TPH2: variants seen among roughly 807,000 people sequenced by gnomAD.
TPH2 encodes the protein tryptophan 5-hydroxylase 2.
In TPH2, 27 loss-of-function variants were observed where a neutral mutation model predicts 59.1. That is an observed-to-expected ratio of 0.46 (90% CI 0.34 to 0.63). The LOEUF is 0.63. Among genes scored for constraint, TPH2 ranks in the 30% least tolerant of loss-of-function variants. TPH2 has a pLI of 0.01. For missense variants in TPH2, 523 were observed against 588.3 expected (o/e 0.89, Z 1.15); for synonymous variants, 220 against 210.5 (o/e 1.05, Z -0.39).
chr12:71,974,475 C>G (rs1296561635), intron 6 of TPH2, among the ~76,000 whole-genome samples: 1 of 152,152 alleles, frequency 6.6e-6, no homozygotes, highest in Non-Finnish European at 1.5e-5. Context: ...CAACCTCTTG[C>G]TTCCATTGTC....
Position 71,969,701 on chromosome 12 carries a change from AT to A in TPH2, c.609-2817del, listed in dbSNP as rs200667109. 8.5e-3 allele frequency among the ~76,000 whole-genome samples: 1,298 copies of A among 152,338 alleles called. 20 individuals are homozygous for A. The highest frequency in any genetic ancestry group is 0.029 in the African/African-American group (1,214 of 41,586). On this transcript the variant is annotated intron_variant, in intron 5 of 10. Transcript: ENST00000333850. ...CCTATAAACCTTATTTTAGTTTGGT[AT>A]GTGAAAAATAAGTTGGGATGTGAAA...
chr12:72,031,305 A>G lies in TPH2; in HGVS notation c.1212A>G (p.Thr404=). ...KACVKAFDPK[T]TCLQECLITT... ...GTGTGAAAGCCTTTGACCCAAAGAC[A>G]ACTTGCTTACAGGAATGCCTTATCA... Residue 404 remains threonine, a synonymous_variant, in exon 10 of 11, where the codon ACA becomes ACG. Coordinates refer to ENST00000333850, the MANE Select transcript of TPH2 (RefSeq NM_173353.4). The G allele has an allele frequency of 6.2e-7, 1 of 1,613,712 alleles. No individual in the cohort carries two copies. The highest frequency in any genetic ancestry group is 2.2e-5 in the East Asian group (1 of 44,876).
intron 4 of TPH2, among the ~76,000 whole-genome samples, chr12:71,947,779 G>A (rs1049874127): frequency 2.6e-5 from 4 of 151,956 alleles, no homozygotes; most frequent in East Asian, 3.9e-4. Flanking sequence ...CGTAATCACC[G>A]CCACACTAAG....
chr12:72,012,300 C>T (rs988327466), intron 8 of TPH2, among the ~76,000 whole-genome samples: 2 of 152,118 alleles, frequency 1.3e-5, no homozygotes, highest in Admixed American at 6.5e-5. Context: ...TGTGTGGATT[C>T]GTATGGGCTA....
intron 7 of TPH2, among the ~76,000 whole-genome samples, chr12:71,988,549 G>C (rs1023989): frequency 6.6e-6 from 1 of 151,980 alleles, no homozygotes; most frequent in East Asian, 1.9e-4. Flanking sequence ...CCAGATCTCG[G>C]GAGAACTCAC....
At chr12:72,023,219 A>G (rs1873471465) in intron 9 of TPH2, among the ~76,000 whole-genome samples, 1 of 152,244 alleles carries the variant, frequency 6.6e-6, no homozygotes, top group Admixed American at 6.5e-5. Context: ...GTGATACACA[A>G]TCTAGAATAG....
At chr12:71,943,669 T>G (rs1176338972) in intron 2 of TPH2, among the ~76,000 whole-genome samples, 1 of 152,224 alleles carries the variant, frequency 6.6e-6, no homozygotes, top group East Asian at 1.9e-4. Flanking sequence ...TTGTTTTCCT[T>G]TTGCCTTCAA....
chr12:72,031,202 T>C, intron 9 of TPH2, 56 bp from the exon 10 acceptor site: 3 of 1,611,058 alleles, frequency 1.9e-6, no homozygotes, highest in South Asian at 2.2e-5. Context: ...TGTGATGTCA[T>C]GGAGCTTCGG....
intron 8 of TPH2, among the ~76,000 whole-genome samples, chr12:72,021,665 C>T (rs535739140): frequency 3.3e-5 from 5 of 152,176 alleles, no homozygotes; most frequent in South Asian, 4.1e-4. Context: ...ATGTATTAAA[C>T]ACATTTTCAA....
intron 9 of TPH2, among the ~76,000 whole-genome samples, chr12:72,027,245 C>T (rs1297122326): frequency 1.3e-5 from 2 of 152,084 alleles, no homozygotes; most frequent in African/African-American, 2.4e-5. Flanking sequence ...GAGCTGGGGC[C>T]GTTTAATTCT....
intron 7 of TPH2, among the ~76,000 whole-genome samples, chr12:71,982,913 C>G (rs1176065079): frequency 1.3e-5 from 2 of 152,210 alleles, no homozygotes; most frequent in Non-Finnish European, 2.9e-5. Context: ...TTTCAACACA[C>G]ATTGGATTTT....
chr12:71,982,327 T>C (rs960354461), intron 7 of TPH2, among the ~76,000 whole-genome samples: 1 of 152,026 alleles, frequency 6.6e-6, no homozygotes, highest in Non-Finnish European at 1.5e-5. Context: ...GAATAGGTAA[T>C]ACATATGCAT....
chr12:71,957,198 A>AGAGT (rs1871532518), intron 5 of TPH2, among the ~76,000 whole-genome samples: 1 of 152,220 alleles, frequency 6.6e-6, no homozygotes, highest in African/African-American at 2.4e-5. Flanking sequence ...TACAGGACTC[A>AGAGT]GAGTGCTGAC....
intron 5 of TPH2, among the ~76,000 whole-genome samples, chr12:71,959,710 CGA>C (rs1871623772): frequency 6.6e-6 from 1 of 151,762 alleles, no homozygotes; most frequent in Non-Finnish European, 1.5e-5. Flanking sequence ...TTTAGATAGG[CGA>C]ATCTTAATTG....
intron 6 of TPH2, among the ~76,000 whole-genome samples, chr12:71,973,178 C>T (rs1025910176): frequency 1.3e-5 from 2 of 152,322 alleles, no homozygotes; most frequent in African/African-American, 4.8e-5. Flanking sequence ...GCAACTCCTT[C>T]TTGAATAGGG....
At chr12:71,942,659 G>A (rs1871104446) in intron 2 of TPH2, among the ~76,000 whole-genome samples, 1 of 152,146 alleles carries the variant, frequency 6.6e-6, no homozygotes, top group Admixed American at 6.5e-5. Flanking sequence ...TTGCTGGGAC[G>A]ACATAATATG....
chr12:71,972,236 C>A (rs1308567931), intron 5 of TPH2, among the ~76,000 whole-genome samples: 1 of 152,198 alleles, frequency 6.6e-6, no homozygotes, highest in Non-Finnish European at 1.5e-5. Flanking sequence ...GTAACTATTA[C>A]TTGTTACTGA....
chr12:72,025,780 T>A (rs1275645324), intron 9 of TPH2, among the ~76,000 whole-genome samples: 1 of 152,180 alleles, frequency 6.6e-6, no homozygotes, highest in Non-Finnish European at 1.5e-5. Flanking sequence ...AAAGAAAAGG[T>A]TGAAAGTAGG....
chr12:71,988,765 G>A (rs535621209), intron 7 of TPH2, among the ~76,000 whole-genome samples: 12 of 152,300 alleles, frequency 7.9e-5, no homozygotes, highest in Admixed American at 7.2e-4. Context: ...CACTCTTTCT[G>A]TGGTCCCTCT....
Sources: gnomAD v4.1 joint callset for allele counts (sites outside exome capture counted in the v4.1 genomes callset) on GRCh38, gnomAD v4.1.1 for gene constraint, MANE v1.5 for transcripts, NCBI Gene and HGNC (gene_info 2026-07-23, HGNC 2026-07-21) for gene names.